Variants in CLMP observed in about 807,000 individuals in gnomAD.
CLMP encodes the protein CXADR like cell adhesion molecule, also known as CXADR-like membrane protein.
In CLMP, 27 loss-of-function variants were observed where a neutral mutation model predicts 45.2. The ratio of observed to expected loss-of-function variants is 0.60; its 90% CI spans 0.44 to 0.82. CLMP has a LOEUF of 0.82. Among genes scored for constraint, CLMP ranks in the 40% least tolerant of loss-of-function variants. CLMP has a pLI of 0.00. For missense variants in CLMP, 403 were observed against 448.4 expected, an observed-to-expected ratio of 0.90 and a Z score of 0.91; for synonymous variants, 167 against 171.4, an observed-to-expected ratio of 0.97 and a Z score of 0.20.
intron 1 of CLMP, among the ~76,000 whole-genome samples, chr11:123,178,740 G>C (rs1346417342): frequency 6.6e-6 from 1 of 152,188 alleles, no homozygotes; most frequent in Non-Finnish European, 1.5e-5. Flanking sequence ...AAGGGTTTTT[G>C]AGTAGCAGGA....
intron 1 of CLMP, chr11:123,136,481 G>A (rs992868678): frequency 3.2e-5 from 11 of 348,494 alleles, no homozygotes; most frequent in African/African-American, 2.4e-4. Context: ...TTTAAGGGCC[G>A]CTCTAGGCCA....
chr11:123,171,442 C>CTTTTA (rs1362388229), intron 1 of CLMP, among the ~76,000 whole-genome samples: 1 of 145,370 alleles, frequency 6.9e-6, no homozygotes, highest in Non-Finnish European at 1.5e-5. Context: ...CTTTTCTTTT[C>CTTTTA]TTTTCTTTTT....
chr11:123,097,161 CTTA>C (rs1199587069), intron 2 of CLMP, among the ~76,000 whole-genome samples: 1 of 151,574 alleles, frequency 6.6e-6, no homozygotes, highest in African/African-American at 2.4e-5. Flanking sequence ...CTGACAACTT[CTTA>C]TTTATTTAGA....
At chr11:123,176,292 T>G (rs976360973) in intron 1 of CLMP, among the ~76,000 whole-genome samples, 1 of 152,222 alleles carries the variant, frequency 6.6e-6, no homozygotes, top group Non-Finnish European at 1.5e-5. Flanking sequence ...TGCCCAAGTT[T>G]ATTTTTGAAA....
At chr11:123,190,135 C>A (rs1861889489) in intron 1 of CLMP, among the ~76,000 whole-genome samples, 1 of 152,102 alleles carries the variant, frequency 6.6e-6, no homozygotes, top group Admixed American at 6.5e-5. Flanking sequence ...AGATGAGGTC[C>A]TTTTGGTGAG....
At chr11:123,147,320 T>A (rs980730982) in intron 1 of CLMP, among the ~76,000 whole-genome samples, 6 of 152,224 alleles carry the variant, frequency 3.9e-5, no homozygotes, top group African/African-American at 1.4e-4. Flanking sequence ...CACTATTTTC[T>A]CCACCTGGAA....
intron 1 of CLMP, among the ~76,000 whole-genome samples, chr11:123,179,910 T>C (rs1286608989): frequency 6.6e-6 from 1 of 152,212 alleles, no homozygotes; most frequent in Non-Finnish European, 1.5e-5. Context: ...GCATTTTCCA[T>C]GGACCAGTAA....
At chr11:123,165,431 A>G (rs1211336042) in intron 1 of CLMP, among the ~76,000 whole-genome samples, 2 of 152,218 alleles carry the variant, frequency 1.3e-5, no homozygotes, top group Non-Finnish European at 2.9e-5. Context: ...ATGATCCAGT[A>G]TCTGGTACCT....
chr11:123,083,420 T>TAA (rs1865827651), intron 4 of CLMP, among the ~76,000 whole-genome samples: 2 of 152,184 alleles, frequency 1.3e-5, no homozygotes, highest in South Asian at 4.1e-4. Flanking sequence ...TGTGAACATT[T>TAA]AAGGGATACT....
At chr11:123,095,487 C>G (rs1420385139) in intron 2 of CLMP, among the ~76,000 whole-genome samples, 1 of 152,126 alleles carries the variant, frequency 6.6e-6, no homozygotes, top group Non-Finnish European at 1.5e-5. Context: ...CCAGCCTGAT[C>G]TTGAACTCCT....
chr11:123,187,924 G>A lies in CLMP; in HGVS notation c.28+6989C>T, dbSNP rs1861855008. Among the ~76,000 whole-genome samples, 3 of 152,192 alleles carry A rather than the reference G, an allele frequency of 2.0e-5. No individual in the cohort carries two copies. In the South Asian group the frequency reaches 6.2e-4, roughly 32 times the overall value. On this transcript the variant is annotated intron_variant, in intron 1 of 6. Transcript: ENST00000448775. ...TTATTTAGCGTGATCTCAATAATGA[G>A]CAAGTGCTGTGAGGGGCACAGGAAT...
At chr11:123,175,053 A>G (rs1309446081) in intron 1 of CLMP, among the ~76,000 whole-genome samples, 2 of 152,184 alleles carry the variant, frequency 1.3e-5, no homozygotes, top group East Asian at 3.9e-4. Context: ...TCCTGAGATC[A>G]AGTGATCCTC....
intron 1 of CLMP, among the ~76,000 whole-genome samples, chr11:123,156,706 G>C (rs768098671): frequency 2.6e-5 from 4 of 152,204 alleles, no homozygotes; most frequent in Non-Finnish European, 5.9e-5. Flanking sequence ...TATACAAAAA[G>C]GTGGAGAAAT....
chr11:123,120,365 A>AT (rs151096439), intron 1 of CLMP, among the ~76,000 whole-genome samples: 4 of 151,170 alleles, frequency 2.6e-5, no homozygotes, highest in Non-Finnish European at 5.9e-5. Context: ...TTGATCCTCT[A>AT]TTTTTTTTTA....
chr11:123,150,148 A>G (rs370530977), intron 1 of CLMP, among the ~76,000 whole-genome samples: 6 of 151,608 alleles, frequency 4.0e-5, no homozygotes, highest in African/African-American at 1.2e-4. Context: ...AGGTAAAAGT[A>G]GGAGAGATGT....
In CLMP at chr11:123,073,464, C is replaced by G. The variant is rs1259537233; in HGVS notation, c.*10G>C. 2 of 1,597,928 alleles carry G rather than the reference C, an allele frequency of 1.3e-6. No homozygotes were observed. The highest frequency in any genetic ancestry group is 4.5e-5 in the East Asian group (2 of 44,646). On this transcript the variant is annotated 3_prime_UTR_variant, in exon 7 of 7. Transcript: ENST00000448775. ...TCCTAGGAAAGCGTGGGAGTCAAGTCCATTGTAATTCAGACCGTTTGGAAG... is the reference window on the plus strand; with the variant it reads ...TCCTAGGAAAGCGTGGGAGTCAAGTGCATTGTAATTCAGACCGTTTGGAAG...
chr11:123,141,419 C>T (rs981102779), intron 1 of CLMP, among the ~76,000 whole-genome samples: 10 of 152,098 alleles, frequency 6.6e-5, no homozygotes, highest in Admixed American at 4.6e-4. Flanking sequence ...CTCCTGACCT[C>T]GTGATCCACC....
At chr11:123,141,245 T>TA (rs1044328471) in intron 1 of CLMP, among the ~76,000 whole-genome samples, 2 of 105,362 alleles carry the variant, frequency 1.9e-5, no homozygotes, top group Non-Finnish European at 3.6e-5. Context: ...AGTGCAGTGA[T>TA]ACGATCTCGG....
chr11:123,153,433 T>G (rs1861368888), intron 1 of CLMP, among the ~76,000 whole-genome samples: 1 of 152,182 alleles, frequency 6.6e-6, no homozygotes, highest in African/African-American at 2.4e-5. Flanking sequence ...ACCTAAAATT[T>G]TGGCCCAAGT....
Sources: allele counts gnomAD v4.1 joint callset (sites outside exome capture counted in the v4.1 genomes callset), GRCh38; gene constraint gnomAD v4.1.1; transcripts MANE v1.5; gene names NCBI Gene and HGNC (gene_info 2026-07-23, HGNC 2026-07-21).